The following RBFOX1 variants were observed in gnomAD, a reference collection of about 807,000 sequenced individuals.
The protein encoded by RBFOX1 is RNA binding protein fox-1 homolog 1.
A neutral mutation model predicts 57.7 loss-of-function variants in RBFOX1; 8 were observed. The ratio of observed to expected loss-of-function variants is 0.14; its 90% confidence interval spans 0.08 to 0.25. The LOEUF (loss-of-function observed/expected upper bound fraction) is 0.25. Among genes scored for constraint, RBFOX1 ranks in the 10% least tolerant of loss-of-function variants. The pLI is 1.00. For synonymous variants in RBFOX1, 326 were observed against 222.4 expected (o/e 1.47, Z -4.15); for missense variants, 611 against 548.5 (o/e 1.11, Z -1.14).
intron 3 of RBFOX1, among the ~76,000 whole-genome samples, chr16:7,019,317 C>G (rs1407950477): frequency 1.3e-5 from 2 of 151,824 alleles, no homozygotes; most frequent in African/African-American, 4.8e-5. Context: ...GAAAAGGGAT[C>G]CAATTTTTCA....
At chr16:6,862,852 G>A (rs1360246597) in intron 3 of RBFOX1, among the ~76,000 whole-genome samples, 1 of 151,764 alleles carries the variant, frequency 6.6e-6, no homozygotes, top group African/African-American at 2.4e-5. Context: ...AGTCATGGTG[G>A]CCGGCACCTG....
At chr16:5,350,711 C>CA (rs2065243977) in intron 1 of RBFOX1, among the ~76,000 whole-genome samples, 1 of 152,008 alleles carries the variant, frequency 6.6e-6, no homozygotes, top group Non-Finnish European at 1.5e-5. Context: ...AGTGAAAATA[C>CA]AAAAAATAGC....
chr16:7,340,974 C>T (rs550067390), intron 4 of RBFOX1, among the ~76,000 whole-genome samples: 13 of 152,242 alleles, frequency 8.5e-5, no homozygotes, highest in South Asian at 6.2e-4. Context: ...GGAAGACCTA[C>T]GGATTTCACA....
rs190122384 is a variant in RBFOX1, at chr16:5,998,213, C to G, written c.351+130878C>G. 9.7e-4 allele frequency among the ~76,000 whole-genome samples: 147 copies of G among 152,310 alleles called. 1 individual carries two copies. Among genetic ancestry groups the G allele is most frequent in the African/African-American group, 3.5e-3 (146 of 41,572 alleles). ...TCTGGGGAAAATTCATGAACATACA[C>G]TAGATTCCTCTGATGTGGAAGGTTT... On this transcript the variant is annotated intron_variant, in intron 4 of 19. Transcript: ENST00000641259.
chr16:6,597,846 G>C (rs996416121), intron 2 of RBFOX1, among the ~76,000 whole-genome samples: 1 of 152,188 alleles, frequency 6.6e-6, no homozygotes, highest in African/African-American at 2.4e-5. Context: ...TGGGTGTGGT[G>C]TTGATCCTTG....
rs539623366 is a variant in RBFOX1 at position 6,685,119 on chromosome 16, G to A, written c.-16+30469G>A. On this transcript the variant is annotated intron_variant, in intron 3 of 15. Coordinates refer to ENST00000550418, the MANE Select transcript of RBFOX1 (RefSeq NM_018723.4). ...CCCTATTTCCTGTCCAGAAAGGAAT[G>A]CTAAATAAATACGAGCTGTCACCTT... 5.1e-4 allele frequency among the ~76,000 whole-genome samples: 78 copies of A among 152,234 alleles called. 1 individual carries two copies. Among genetic ancestry groups the A allele is most frequent in the Non-Finnish European group, 8.8e-4 (60 of 68,024 alleles).
intron 1 of RBFOX1, among the ~76,000 whole-genome samples, chr16:6,058,873 CATCCATCCAGCT>C (rs1025010656): frequency 2.0e-5 from 3 of 150,724 alleles, no homozygotes; most frequent in African/African-American, 7.5e-5. Context: ...TCCATCCATC[CATCCATCCAGCT>C]ATCATGTATA....
At chr16:6,574,862 C>G (rs2097404105) in intron 2 of RBFOX1, among the ~76,000 whole-genome samples, 1 of 150,984 alleles carries the variant, frequency 6.6e-6, no homozygotes, top group Non-Finnish European at 1.5e-5. Flanking sequence ...CACGGTGAAA[C>G]CCCGTCTCTA....
intron 2 of RBFOX1, among the ~76,000 whole-genome samples, chr16:5,575,986 CTTTT>C (rs77867298): frequency 6.7e-6 from 1 of 148,212 alleles, no homozygotes; most frequent in Admixed American, 6.7e-5. Flanking sequence ...AAATTTTCAT[CTTTT>C]TTTTTTCTTT....
intron 4 of RBFOX1, among the ~76,000 whole-genome samples, chr16:5,988,757 A>G (rs2060330545): frequency 6.6e-6 from 1 of 152,134 alleles, no homozygotes; most frequent in East Asian, 1.9e-4. Context: ...TGATTCAGAG[A>G]GATTTTCTTT....
chr16:6,926,804 G>T (rs371288363), intron 3 of RBFOX1, among the ~76,000 whole-genome samples: 7 of 152,212 alleles, frequency 4.6e-5, no homozygotes, highest in African/African-American at 1.4e-4. Flanking sequence ...TAAAATTATC[G>T]TTTTGATCTT....
chr16:5,593,254 C>T (rs182500099), intron 2 of RBFOX1, among the ~76,000 whole-genome samples: 78 of 151,730 alleles, frequency 5.1e-4, no homozygotes, highest in African/African-American at 1.8e-3. Context: ...GAAAACCAAA[C>T]ACTGTATGTT....
rs901846557 is a variant in RBFOX1, at chr16:7,509,300, A to G, written c.28-8847A>G. On this transcript the variant is annotated intron_variant, in intron 4 of 15. Transcript: ENST00000550418. The stretch of plus-strand genomic sequence containing the variant: ...TGCTGCACTTGACTGTAAGGTCTAT[A>G]GGGACAAAGATGGTTTTGGATTTTG... Among the ~76,000 whole-genome samples, 4 of 152,280 alleles carry G rather than the reference A, an allele frequency of 2.6e-5. No individual in the cohort carries two copies. The South Asian group carries it at 6.2e-4, about 24-fold the overall frequency.
chr16:6,117,958 TAAG>T (rs1198069378), intron 1 of RBFOX1, among the ~76,000 whole-genome samples: 11 of 152,196 alleles, frequency 7.2e-5, no homozygotes, highest in Non-Finnish European at 1.3e-4. Context: ...ATATTTCTAG[TAAG>T]AACACAAGAT....
At chr16:7,130,653 G>C (rs1353352690) in intron 4 of RBFOX1, among the ~76,000 whole-genome samples, 1 of 152,196 alleles carries the variant, frequency 6.6e-6, no homozygotes, top group Non-Finnish European at 1.5e-5. Flanking sequence ...GACATCTCCA[G>C]TGCCTTTTTA....
At chr16:6,612,860 A>T (rs148737708) in intron 2 of RBFOX1, among the ~76,000 whole-genome samples, 17 of 27,856 alleles carry the variant, frequency 6.1e-4, no homozygotes, top group Admixed American at 8.0e-4. Flanking sequence ...AAAAAAAAAA[A>T]AAAAATAATA....
intron 2 of RBFOX1, among the ~76,000 whole-genome samples, chr16:5,535,577 T>C (rs902928469): frequency 2.0e-5 from 3 of 152,222 alleles, no homozygotes; most frequent in African/African-American, 7.2e-5. Context: ...TCTAAACTTC[T>C]GGGCTTACAG....
intron 3 of RBFOX1, among the ~76,000 whole-genome samples, chr16:6,926,222 C>T (rs544591866): frequency 6.6e-6 from 1 of 152,182 alleles, no homozygotes; most frequent in Admixed American, 6.5e-5. Flanking sequence ...CAGGAGACTC[C>T]CTTGAACCTG....
chr16:6,926,117 C>T (rs1478356726), intron 3 of RBFOX1, among the ~76,000 whole-genome samples: 2 of 151,824 alleles, frequency 1.3e-5, no homozygotes, highest in Admixed American at 6.6e-5. Context: ...ACCAGCCTGG[C>T]CAACATGATG....
Sources: gnomAD v4.1 joint callset for allele counts (sites outside exome capture counted in the v4.1 genomes callset) on GRCh38, gnomAD v4.1.1 for gene constraint, MANE v1.5 for transcripts, NCBI Gene and HGNC (gene_info 2026-07-23, HGNC 2026-07-21) for gene names.